FN1: variants seen among roughly 807,000 people sequenced by gnomAD.
The protein encoded by FN1 is fibronectin 1, also known as fibronectin.
FN1 carries 106 observed loss-of-function variants against 297.3 expected under a neutral mutation model. The observed-to-expected ratio is 0.36, with a 90% CI of 0.30 to 0.42. The LOEUF (loss-of-function observed/expected upper bound fraction) is 0.42. Ranked by LOEUF, FN1 falls within the 10% of genes least tolerant of loss-of-function variation. The probability of loss-of-function intolerance (pLI) is 1.00; values close to 1 mark genes in which losing one functional copy is unlikely to be tolerated. For missense variants in FN1, 2,690 were observed against 3,124.9 expected (o/e 0.86, Z 3.32); for synonymous variants, 1,149 against 1,152.6 (o/e 1.00, Z 0.06).
rs1191000204 is a variant in FN1, at chr2:215,425,135, A to G, written c.995T>C (p.Leu332Pro). The change falls in exon 7 of 46, where the codon CTT becomes CCT. Residue 332 changes from leucine to proline, a missense_variant. Physicochemically the swap from Leu to Pro is moderately conservative, Grantham distance 98 (BLOSUM62 -3). This residue lies in a region of FN1 where 876 missense variants were observed against 1,058.1 expected (regional missense o/e 0.83). Transcript: ENST00000354785. ...GACTCCGTTGCCCAGGCACGTGCAA[A>G]GCATTTGCTTATTTCCTTGTGTCTT... is the stretch of plus-strand genomic sequence containing the variant. Reference protein sequence around the residue: ...WLKTQGNKQMLCTCLGNGVSC... With the variant: ...WLKTQGNKQMPCTCLGNGVSC... The G allele has an allele frequency of 1.2e-6, 2 of 1,614,072 alleles. No homozygotes were observed. The highest frequency in any genetic ancestry group is 1.7e-6 in the Non-Finnish European group (2 of 1,180,048).
chr2:215,391,879 T>C, intron 25 of FN1, 65 bp from the exon 26 acceptor site: 1 of 1,430,382 alleles, frequency 7.0e-7, no homozygotes, highest in Non-Finnish European at 9.8e-7. Flanking sequence ...ACGAAGTAGC[T>C]GGAAAGGTAA....
chr2:215,402,164 C>G (rs1474547235), intron 20 of FN1, among the ~76,000 whole-genome samples: 1 of 152,294 alleles, frequency 6.6e-6, no homozygotes, highest in Non-Finnish European at 1.5e-5. Context: ...CCTCAACTGT[C>G]CTGGGCTTTA....
At chr2:215,375,824 A>G (rs2057184485) in intron 36 of FN1, 106 bp from the exon 37 acceptor site, 4 of 743,276 alleles carry the variant, frequency 5.4e-6, no homozygotes, top group Non-Finnish European at 9.8e-6. Flanking sequence ...CCATATTTAT[A>G]TAGACTACCA....
Position 215,430,840 on chromosome 2 carries a change from A to G in FN1, c.560T>C (p.Phe187Ser), listed in dbSNP as rs749051104. 5 of 1,613,992 alleles carry G rather than the reference A, an allele frequency of 3.1e-6. No homozygotes were observed. The highest frequency in any genetic ancestry group is 4.2e-6 in the Non-Finnish European group (5 of 1,179,976). ...ATAGGAAGTCCCAGCAGCATGATCA[A>G]AACACTTCTCAGCTGTAGGGAAATT... is the stretch of plus-strand genomic sequence containing the variant. The part of the protein sequence containing the change: ...WTCKPIAEKC[F>S]DHAAGTSYVV... The change falls in exon 5 of 46, where the codon TTT becomes TCT. Residue 187 changes from phenylalanine (F) to serine (S), a missense_variant. Physicochemically the swap from Phe to Ser is radical, Grantham distance 155 (BLOSUM62 -2). This residue lies in a region of FN1 where 876 missense variants were observed against 1,058.1 expected (regional missense o/e 0.83). Coordinates refer to ENST00000354785, the MANE Select transcript of FN1 (RefSeq NM_212482.4).
chr2:215,401,048 G>A (rs939262952), intron 20 of FN1, among the ~76,000 whole-genome samples: 16 of 149,392 alleles, frequency 1.1e-4, no homozygotes, highest in African/African-American at 3.7e-4. Context: ...TACCCACCTC[G>A]GCCTCCCAAA....
Position 215,362,058 on chromosome 2 carries a change from G to C in FN1, c.7273C>G (p.Arg2425Gly). The C allele has an allele frequency of 6.2e-7, 1 of 1,614,046 alleles. No homozygotes were observed. The highest frequency in any genetic ancestry group is 2.2e-5 in the East Asian group (1 of 44,874). ...GQRGWRCDNC[R>G]RPGGEPSPEG... is the part of the protein sequence containing the mutation. ...GGACTGGGTTCACCCCCAGGTCTGC[G>C]GCAGTTGTCACAGCGCCAGCCCTGA... Residue 2425 changes from arginine to glycine, a missense_variant, in exon 45 of 46, where the codon CGC (arginine) becomes GGC (glycine). Transcript: ENST00000354785.
intron 38 of FN1, among the ~76,000 whole-genome samples, chr2:215,374,495 G>C (rs999061112): frequency 2.0e-5 from 3 of 151,436 alleles, no homozygotes; most frequent in Non-Finnish European, 4.4e-5. Context: ...TGATAGTTTT[G>C]TAAGTATCTG....
rs2106003221 is a variant in FN1 at position 215,386,848 on chromosome 2, G to A, written c.4453C>T (p.Pro1485Ser). ...TITGYRIRHH[P>S]EHFSGRPRED... ...CGAGGTCTCCCACTGAAGTGCTCGGGATGATGGCGGATCCTGTAGCCAGTG... is the reference window on the plus strand; with the variant it reads ...CGAGGTCTCCCACTGAAGTGCTCGGAATGATGGCGGATCCTGTAGCCAGTG... Residue 1485 changes from proline (P) to serine (S), a missense_variant, in exon 28 of 46, where the codon CCC becomes TCC. Pro to Ser is a moderately conservative substitution (Grantham distance 74). Around this residue, in one of 3 missense-constraint regions of FN1, gnomAD observed 1,743 missense variants for 1,945.2 expected, o/e 0.90. Coordinates refer to ENST00000354785, the MANE Select transcript of FN1 (RefSeq NM_212482.4). The A allele has an allele frequency of 6.2e-7, 1 of 1,614,034 alleles. No individual in the cohort carries two copies. Among genetic ancestry groups the A allele is most frequent in the Non-Finnish European group, 8.5e-7 (1 of 1,179,980 alleles).
intron 39 of FN1, among the ~76,000 whole-genome samples, chr2:215,372,806 T>C (rs968398780): frequency 6.6e-6 from 1 of 152,218 alleles, no homozygotes. Flanking sequence ...CAACAGTTTT[T>C]CATGGTTTGA....
At chr2:215,426,439 C>T (rs1048765911) in intron 6 of FN1, among the ~76,000 whole-genome samples, 11 of 152,140 alleles carry the variant, frequency 7.2e-5, no homozygotes, top group Admixed American at 2.6e-4. Flanking sequence ...TGAGCCACCG[C>T]GCCCGGCCGA....
intron 6 of FN1, among the ~76,000 whole-genome samples, chr2:215,426,625 G>A (rs2065490963): frequency 6.6e-6 from 1 of 152,040 alleles, no homozygotes; most frequent in African/African-American, 2.4e-5. Context: ...AAACGTACTA[G>A]GGAGACATGG....
At chr2:215,373,471 C>A in intron 38 of FN1, 60 bp from the exon 39 acceptor site, 1 of 1,409,376 alleles carries the variant, frequency 7.1e-7, no homozygotes, top group South Asian at 1.2e-5. Context: ...AAGTGGAAGT[C>A]GGTCTCACCA....
chr2:215,411,867 C>G (rs1242118199), intron 13 of FN1, among the ~76,000 whole-genome samples: 1 of 151,964 alleles, frequency 6.6e-6, no homozygotes, highest in Non-Finnish European at 1.5e-5. Context: ...CGGGGTTTCA[C>G]CATGTTGGCC....
intron 20 of FN1, among the ~76,000 whole-genome samples, chr2:215,401,266 G>GGAAGGAAGGAAAA (rs2061106141): frequency 1.1e-5 from 1 of 90,680 alleles, no homozygotes; most frequent in African/African-American, 4.9e-5. Context: ...AAGAAAGGAA[G>GGAAGGAAGGAAAA]GAAAGGAAAG....
chr2:215,367,906 C>T lies in FN1; in HGVS notation c.6975G>A (p.Gln2325=). Residue 2325 remains glutamine, a synonymous_variant, in exon 42 of 46, where the codon CAG becomes CAA. Transcript: ENST00000354785. ...MSESGFKLLC[Q]CLGFGSGHFR... ...AATGACCACTTCCAAAGCCTAAGCA[C>T]TGGCACAACAGTTTAAAGCCTGATT... is the stretch of plus-strand genomic sequence containing the variant. The T allele has an allele frequency of 3.7e-6, 6 of 1,614,142 alleles. No individual in the cohort carries two copies. The highest frequency in any genetic ancestry group is 5.1e-6 in the Non-Finnish European group (6 of 1,179,996).
At chr2:215,365,464 A>G (rs2054342096) in intron 43 of FN1, 41 bp downstream of exon 43, 1 of 1,601,674 alleles carries the variant, frequency 6.2e-7, no homozygotes, top group Non-Finnish European at 8.6e-7. Context: ...TGAAAGTGAG[A>G]ATGCTTAATA....
intron 6 of FN1, among the ~76,000 whole-genome samples, chr2:215,427,266 A>G (rs1229982065): frequency 6.6e-6 from 1 of 152,220 alleles, no homozygotes; most frequent in African/African-American, 2.4e-5. Flanking sequence ...GTTCACCTTC[A>G]TAAGTGCTCA....
chr2:215,408,084 C>A (rs2062034227), intron 17 of FN1, 24 bp downstream of exon 17: 1 of 1,588,434 alleles, frequency 6.3e-7, no homozygotes, highest in Non-Finnish European at 8.6e-7. Context: ...ACATAGCAGC[C>A]AAAGAGGGGG....
At chr2:215,434,182 A>G (rs760233670) in intron 2 of FN1, among the ~76,000 whole-genome samples, 21 of 151,778 alleles carry the variant, frequency 1.4e-4, no homozygotes, top group Non-Finnish European at 2.9e-4. Flanking sequence ...TAATCCTATG[A>G]TTTCCATTTT....
Sources: gnomAD v4.1 joint callset for allele counts (sites outside exome capture counted in the v4.1 genomes callset) on GRCh38, gnomAD v4.1.1 for gene constraint, gnomAD v4.1.1 regional missense constraint, MANE v1.5 for transcripts, NCBI Gene and HGNC (gene_info 2026-07-23, HGNC 2026-07-21) for gene names.